EYS: variants seen among roughly 807,000 people sequenced by gnomAD.
EYS encodes the protein protein eyes shut homolog.
A neutral mutation model predicts 282.1 loss-of-function variants in EYS; 250 were observed. That is an observed-to-expected ratio of 0.89 (90% CI 0.80 to 0.98). EYS has a LOEUF of 0.98. Ranked by LOEUF, EYS falls within the 50% of genes least tolerant of loss-of-function variation. The pLI is 0.00. For synonymous variants in EYS, 1,355 were observed against 1,282.9 expected (o/e 1.06, Z -1.20); for missense variants, 4,016 against 3,709.0 (o/e 1.08, Z -2.15).
chr6:64,467,852 T>C (rs912223006), intron 26 of EYS, among the ~76,000 whole-genome samples: 1 of 152,160 alleles, frequency 6.6e-6, no homozygotes, highest in Non-Finnish European at 1.5e-5. Flanking sequence ...CCACTGCCAC[T>C]GCTGGCACCC....
At chr6:65,379,491 C>A (rs1482608619) in intron 8 of EYS, among the ~76,000 whole-genome samples, 1 of 152,050 alleles carries the variant, frequency 6.6e-6, no homozygotes, top group East Asian at 1.9e-4. Flanking sequence ...CTATTTATGA[C>A]AAACCCATAG....
chr6:64,222,443 G>A (rs1766132427), intron 31 of EYS, among the ~76,000 whole-genome samples: 1 of 151,890 alleles, frequency 6.6e-6, no homozygotes, highest in Admixed American at 6.6e-5. Flanking sequence ...TAACATTTTA[G>A]GTCAGGTTCA....
In EYS at chr6:64,955,907, T is replaced by C. The variant is rs1368006048; in HGVS notation, c.2260-9993A>G. 1.9e-4 allele frequency among the ~76,000 whole-genome samples: 29 copies of C among 152,178 alleles called. 1 individual carries two copies. The highest frequency in any genetic ancestry group is 1.8e-3 in the Admixed American group (27 of 15,270). The stretch of plus-strand genomic sequence containing the variant: ...AATAATTTTTCTATTGCTTTACAAA[T>C]TCTGCTCTGCCTTACTCACTCTCTG... On this transcript the variant is annotated intron_variant, in intron 14 of 42. Coordinates refer to ENST00000503581, the MANE Select transcript of EYS (RefSeq NM_001142800.2).
At chr6:63,985,810 A>G (rs917240807) in intron 34 of EYS, among the ~76,000 whole-genome samples, 2 of 151,848 alleles carry the variant, frequency 1.3e-5, no homozygotes, top group African/African-American at 4.8e-5. Context: ...AAAACCCAAA[A>G]CTATAAAAAC....
intron 12 of EYS, among the ~76,000 whole-genome samples, chr6:65,095,074 T>C (rs892255146): frequency 6.6e-6 from 1 of 151,260 alleles, no homozygotes; most frequent in Admixed American, 6.6e-5. Context: ...CACCAAAAGA[T>C]TGGATAACCT....
At chr6:65,609,193 T>C (rs1765907796) in intron 2 of EYS, among the ~76,000 whole-genome samples, 1 of 152,024 alleles carries the variant, frequency 6.6e-6, no homozygotes, top group Non-Finnish European at 1.5e-5. Context: ...TGCATTGCAC[T>C]ACTACATTAC....
intron 33 of EYS, among the ~76,000 whole-genome samples, chr6:64,053,734 C>T (rs1263333001): frequency 6.6e-6 from 1 of 152,112 alleles, no homozygotes; most frequent in African/African-American, 2.4e-5. Flanking sequence ...ATAATTTAGG[C>T]ATTTTCTTTA....
At chr6:64,536,915 C>A (rs958017557) in intron 26 of EYS, among the ~76,000 whole-genome samples, 1 of 151,874 alleles carries the variant, frequency 6.6e-6, no homozygotes, top group African/African-American at 2.4e-5. Flanking sequence ...TAATAGACCA[C>A]TTTGTCCAAG....
intron 12 of EYS, among the ~76,000 whole-genome samples, chr6:65,197,994 G>A (rs1765810329): frequency 6.6e-6 from 1 of 151,894 alleles, no homozygotes; most frequent in Non-Finnish European, 1.5e-5. Flanking sequence ...TTTTATATAT[G>A]TTTTACAATT....
At chr6:64,802,023 C>CTTTTTTTCTTTTTTTTTT (rs1663451250) in intron 22 of EYS, among the ~76,000 whole-genome samples, 3 of 70,780 alleles carry the variant, frequency 4.2e-5, no homozygotes, top group Admixed American at 2.1e-4. Context: ...ATTTCTTTTT[C>CTTTTTTTCTTTTTTTTTT]TTTTTTTTTC....
chr6:64,424,509 T>A (rs941149553), intron 28 of EYS, among the ~76,000 whole-genome samples: 14 of 152,226 alleles, frequency 9.2e-5, no homozygotes, highest in African/African-American at 3.4e-4. Flanking sequence ...ACAGAACTTC[T>A]GATTTTTATG....
rs545749120 is a variant in EYS, at chr6:63,723,964, C to T, written c.8234-2167G>A. Among the ~76,000 whole-genome samples, 116 of 152,078 alleles carry T rather than the reference C, an allele frequency of 7.6e-4. 1 individual carries two copies. The South Asian group carries it at 0.023, about 30-fold the overall frequency. ...CTGGGACTACAGGCACTGGCCATCACGGCCGGCTAATTTTTGTATTTTGGG... is the reference window on the plus strand; with the variant it reads ...CTGGGACTACAGGCACTGGCCATCATGGCCGGCTAATTTTTGTATTTTGGG... On this transcript the variant is annotated intron_variant, in intron 42 of 42. Transcript: ENST00000503581.
At chr6:65,385,433 T>A (rs927599221) in intron 7 of EYS, among the ~76,000 whole-genome samples, 2 of 151,946 alleles carry the variant, frequency 1.3e-5, no homozygotes, top group African/African-American at 4.8e-5. Flanking sequence ...GGCACACAGC[T>A]TTGCATTTTC....
At chr6:65,122,906 T>C (rs781079078) in intron 12 of EYS, among the ~76,000 whole-genome samples, 2 of 152,120 alleles carry the variant, frequency 1.3e-5, no homozygotes, top group African/African-American at 2.4e-5. Flanking sequence ...TAGATATACA[T>C]CTATCCATTT....
At chr6:64,099,747 A>T (rs924286227) in intron 31 of EYS, among the ~76,000 whole-genome samples, 5 of 152,150 alleles carry the variant, frequency 3.3e-5, no homozygotes, top group Non-Finnish European at 7.4e-5. Context: ...CACCTAAAAT[A>T]TCCCTTTCCA....
intron 7 of EYS, among the ~76,000 whole-genome samples, chr6:65,398,568 T>A (rs1167408220): frequency 6.6e-6 from 1 of 151,938 alleles, no homozygotes; most frequent in Non-Finnish European, 1.5e-5. Context: ...GGCAAAGAAT[T>A]AATGACTAAG....
chr6:65,076,295 T>C (rs1361036851), intron 12 of EYS, among the ~76,000 whole-genome samples: 1 of 152,080 alleles, frequency 6.6e-6, no homozygotes, highest in East Asian at 1.9e-4. Flanking sequence ...GTTTGTATTA[T>C]ATTTCTGTTA....
chr6:64,361,064 T>G (rs1435689896), intron 29 of EYS, among the ~76,000 whole-genome samples: 5 of 151,688 alleles, frequency 3.3e-5, no homozygotes, highest in Admixed American at 2.6e-4. Flanking sequence ...TTTAACATAA[T>G]AGTGCACCCA....
chr6:64,540,204 C>T (rs549680422), intron 26 of EYS, among the ~76,000 whole-genome samples: 1 of 152,308 alleles, frequency 6.6e-6, no homozygotes, highest in African/African-American at 2.4e-5. Context: ...ATTGCAACCT[C>T]AATCCCAGAT....
Sources: gnomAD v4.1 joint callset for allele counts (sites outside exome capture counted in the v4.1 genomes callset) on GRCh38, gnomAD v4.1.1 for gene constraint, MANE v1.5 for transcripts, NCBI Gene and HGNC (gene_info 2026-07-23, HGNC 2026-07-21) for gene names.